ASTN1: variants seen among roughly 807,000 people sequenced by gnomAD.
The protein encoded by ASTN1 is astrotactin-1.
Under a neutral mutation model 140.7 loss-of-function variants are expected in ASTN1, and 41 were observed. That is an observed-to-expected ratio of 0.29 (90% CI 0.23 to 0.38). The LOEUF (loss-of-function observed/expected upper bound fraction) is 0.38, where lower values mean the gene tolerates loss of function less well. Ranked by LOEUF, ASTN1 falls within the 10% of genes least tolerant of loss-of-function variation. The pLI is 1.00. For synonymous variants in ASTN1, 640 were observed against 652.2 expected, an observed-to-expected ratio of 0.98 and a Z score of 0.29; for missense variants, 1,479 against 1,678.8, an observed-to-expected ratio of 0.88 and a Z score of 2.08.
In ASTN1 at chr1:177,014,886, G is replaced by A; in HGVS notation, c.1439-11C>T. On this transcript the variant is annotated splice_polypyrimidine_tract_variant and intron_variant, in intron 7 of 22. Transcript: ENST00000361833. ...AGCAGAGGCATTCCCCTTAGAAGCA[G>A]GGTAAGGAGGAAGAAAGAGAAACAT... 6.2e-7 allele frequency: 1 copy of A among 1,602,660 alleles called. No homozygotes were observed. The highest frequency in any genetic ancestry group is 8.5e-7 in the Non-Finnish European group (1 of 1,170,844).
At chr1:176,923,402 C>A (rs1670822389) in intron 16 of ASTN1, among the ~76,000 whole-genome samples, 2 of 152,108 alleles carry the variant, frequency 1.3e-5, no homozygotes, top group South Asian at 4.2e-4. Flanking sequence ...AACAAAGAAC[C>A]CAGTTCTCCC....
intron 1 of ASTN1, among the ~76,000 whole-genome samples, chr1:177,070,317 C>T (rs1246331151): frequency 6.6e-6 from 1 of 152,212 alleles, no homozygotes; most frequent in Admixed American, 6.5e-5. Context: ...CTGTCTTATA[C>T]TCCTGGTCTT....
intron 1 of ASTN1, among the ~76,000 whole-genome samples, chr1:177,068,199 C>T (rs897601675): frequency 2.6e-5 from 4 of 152,192 alleles, no homozygotes; most frequent in Non-Finnish European, 4.4e-5. Flanking sequence ...GTAGTTAACT[C>T]ATTGCCGTAG....
intron 2 of ASTN1, among the ~76,000 whole-genome samples, chr1:177,060,861 G>C (rs1021553510): frequency 6.6e-6 from 1 of 152,140 alleles, no homozygotes; most frequent in Non-Finnish European, 1.5e-5. Flanking sequence ...CATGTTCCTA[G>C]AGAAAACAGT....
intron 1 of ASTN1, among the ~76,000 whole-genome samples, chr1:177,104,009 G>A (rs369070065): frequency 3.2e-4 from 48 of 152,230 alleles, no homozygotes; most frequent in African/African-American, 9.4e-4. Flanking sequence ...ATGGCCTGGC[G>A]TGCAGTAACG....
chr1:177,043,592 A>T (rs996473335), intron 2 of ASTN1, among the ~76,000 whole-genome samples: 1 of 152,258 alleles, frequency 6.6e-6, no homozygotes, highest in Non-Finnish European at 1.5e-5. Flanking sequence ...CACAGGCCCC[A>T]AATTCTAATC....
intron 2 of ASTN1, among the ~76,000 whole-genome samples, chr1:177,047,288 A>G (rs551268227): frequency 6.6e-6 from 1 of 152,360 alleles, no homozygotes; most frequent in South Asian, 2.1e-4. Context: ...GAGAGGAAAG[A>G]CATTTTCAGC....
chr1:176,965,285 A>C, intron 8 of ASTN1, 48 bp from the exon 9 acceptor site: 4 of 1,584,896 alleles, frequency 2.5e-6, no homozygotes, highest in Non-Finnish European at 2.6e-6. Flanking sequence ...ACAAATACTC[A>C]CTGAACACCC....
chr1:177,113,517 C>G (rs1031447993), intron 1 of ASTN1, among the ~76,000 whole-genome samples: 31 of 152,200 alleles, frequency 2.0e-4, no homozygotes, highest in African/African-American at 7.5e-4. Flanking sequence ...CCACTACCAC[C>G]TTGTTTCCTT....
intron 16 of ASTN1, among the ~76,000 whole-genome samples, chr1:176,929,834 C>A (rs972206572): frequency 1.3e-5 from 2 of 152,124 alleles, no homozygotes; most frequent in African/African-American, 4.8e-5. Flanking sequence ...CGGTGAAACC[C>A]CATCTCTACT....
At chr1:176,927,514 C>A (rs1179561489) in intron 16 of ASTN1, among the ~76,000 whole-genome samples, 3 of 152,116 alleles carry the variant, frequency 2.0e-5, no homozygotes, top group Non-Finnish European at 2.9e-5. Flanking sequence ...CAATTAAACC[C>A]CTGAAAGTTC....
intron 2 of ASTN1, among the ~76,000 whole-genome samples, chr1:177,048,026 A>T (rs1307163502): frequency 6.6e-6 from 1 of 152,190 alleles, no homozygotes; most frequent in Admixed American, 6.5e-5. Context: ...CTTTGAATGC[A>T]CTTACAGTAT....
intron 1 of ASTN1, among the ~76,000 whole-genome samples, chr1:177,095,283 A>C (rs1679975535): frequency 6.6e-6 from 1 of 152,244 alleles, no homozygotes; most frequent in Non-Finnish European, 1.5e-5. Context: ...TTTGTAGGAG[A>C]GAACAAGAGT....
chr1:176,958,521 G>A (rs371264005), intron 9 of ASTN1, 39 bp from the exon 10 acceptor site: 2 of 1,573,094 alleles, frequency 1.3e-6, no homozygotes, highest in East Asian at 2.3e-5. Flanking sequence ...ATGACTGGGG[G>A]CATAACCACT....
At chr1:177,048,186 A>G (rs1677340942) in intron 2 of ASTN1, among the ~76,000 whole-genome samples, 1 of 152,182 alleles carries the variant, frequency 6.6e-6, no homozygotes, top group Admixed American at 6.5e-5. Context: ...GATGTAGAAG[A>G]GGAAAGCAAG....
chr1:176,894,509 A>G, intron 17 of ASTN1, 53 bp downstream of exon 17: 1 of 1,581,656 alleles, frequency 6.3e-7, no homozygotes. Flanking sequence ...CCATTTGGAA[A>G]GCCTTCTGTT....
intron 2 of ASTN1, among the ~76,000 whole-genome samples, chr1:177,043,487 G>A (rs1309582543): frequency 2.0e-5 from 3 of 152,186 alleles, no homozygotes; most frequent in Non-Finnish European, 4.4e-5. Flanking sequence ...AATGCTAGTC[G>A]AAAACAGAGG....
chr1:177,032,861 G>T lies in ASTN1; in HGVS notation c.472-12C>A. The T allele has an allele frequency of 6.3e-7, 1 of 1,580,620 alleles. No individual in the cohort carries two copies. The highest frequency in any genetic ancestry group is 1.1e-5 in the South Asian group (1 of 87,162). On this transcript the variant is annotated splice_polypyrimidine_tract_variant and intron_variant, in intron 2 of 22. Transcript: ENST00000361833. ...GCGATCATGCCACCCTAGGAAGAGA[G>T]GACCACAGATGGATGTGGGAAGATG...
At chr1:176,870,709 GC>G in intron 21 of ASTN1, among the ~76,000 whole-genome samples, 1 of 152,278 alleles carries the variant, frequency 6.6e-6, no homozygotes, top group East Asian at 1.9e-4. Context: ...TAGCTGCATT[GC>G]AAATAACTTT....
Sources: gnomAD v4.1 joint callset for allele counts (sites outside exome capture counted in the v4.1 genomes callset) on GRCh38, gnomAD v4.1.1 for gene constraint, MANE v1.5 for transcripts, NCBI Gene and HGNC (gene_info 2026-07-23, HGNC 2026-07-21) for gene names.